Variants in NUMB observed in about 807,000 individuals in gnomAD.
NUMB encodes the protein NUMB endocytic adaptor protein, also known as protein numb homolog.
In NUMB, 29 loss-of-function variants were observed where a neutral mutation model predicts 59.7. The observed-to-expected ratio is 0.49, with a 90% CI of 0.36 to 0.66. The LOEUF is 0.66. Among genes scored for constraint, NUMB ranks in the 30% least tolerant of loss-of-function variants. The pLI is 0.00. For synonymous variants in NUMB, 288 were observed against 288.2 expected (o/e 1.00, Z 0.01); for missense variants, 723 against 822.0 (o/e 0.88, Z 1.47).
intron 4 of NUMB, among the ~76,000 whole-genome samples, chr14:73,346,734 A>G (rs762407358): frequency 3.3e-5 from 5 of 152,020 alleles, no homozygotes; most frequent in African/African-American, 7.3e-5. Context: ...CAACTTCTCT[A>G]TATCTGTCTT....
chr14:73,399,394 T>C (rs1377101763), intron 2 of NUMB, among the ~76,000 whole-genome samples: 1 of 152,018 alleles, frequency 6.6e-6, no homozygotes, highest in African/African-American at 2.4e-5. Context: ...AGAAACCCTG[T>C]CTCTACTAAA....
At chr14:73,355,298 A>G (rs1468692661) in intron 4 of NUMB, among the ~76,000 whole-genome samples, 2 of 152,224 alleles carry the variant, frequency 1.3e-5, no homozygotes, top group Non-Finnish European at 2.9e-5. Flanking sequence ...CCAGTTAGTA[A>G]GCATATTCCA....
chr14:73,357,041 A>G (rs1180112030), intron 3 of NUMB: 2 of 962,812 alleles, frequency 2.1e-6, no homozygotes, highest in Middle Eastern at 5.3e-4. Context: ...ATGCCTTTCC[A>G]TATCGATAAT....
intron 1 of NUMB, among the ~76,000 whole-genome samples, chr14:73,447,661 T>C (rs1339568939): frequency 7.6e-6 from 1 of 131,056 alleles, no homozygotes; most frequent in African/African-American, 2.8e-5. Flanking sequence ...CAACATAGAA[T>C]GACCTCATCT....
At chr14:73,429,882 T>C (rs1444409215) in intron 1 of NUMB, among the ~76,000 whole-genome samples, 2 of 151,204 alleles carry the variant, frequency 1.3e-5, no homozygotes, top group African/African-American at 2.4e-5. Flanking sequence ...GAGGCAGAGG[T>C]TGTAATGAGC....
At chr14:73,405,181 G>A (rs1455959613) in intron 2 of NUMB, among the ~76,000 whole-genome samples, 2 of 152,194 alleles carry the variant, frequency 1.3e-5, no homozygotes, top group Non-Finnish European at 2.9e-5. Context: ...TGAAGATGCT[G>A]TAAAGTAAAT....
At chr14:73,455,826 A>G (rs1366378862) in intron 1 of NUMB, among the ~76,000 whole-genome samples, 3 of 152,186 alleles carry the variant, frequency 2.0e-5, no homozygotes, top group African/African-American at 7.2e-5. Flanking sequence ...TTTACTGTCA[A>G]TATGTCTGTG....
chr14:73,286,552 A>T (rs1333117866), intron 9 of NUMB: 2 of 154,434 alleles, frequency 1.3e-5, no homozygotes, highest in East Asian at 3.8e-4. Context: ...TAAAACTCAC[A>T]CTCTATAAAA....
Position 73,389,285 on chromosome 14 carries a change from A to C in NUMB, c.-101+20652T>G, listed in dbSNP as rs1228383766. 4.9e-3 allele frequency among the ~76,000 whole-genome samples: 465 copies of C among 94,874 alleles called. 11 individuals are homozygous for C. Among genetic ancestry groups the C allele is most frequent in the South Asian group, 0.04 (111 of 2,748 alleles). 62.2% of individuals were successfully genotyped at this position (94,874 alleles called of 152,430 possible). ...GACTCCATCTCTCAAAAAAAAAAAA[A>C]AAAAAAAACAAAAACAAAAACACTG... On this transcript the variant is annotated intron_variant, in intron 2 of 12. Coordinates refer to ENST00000555238, the MANE Select transcript of NUMB (RefSeq NM_001005743.2).
In NUMB at chr14:73,277,177, C is replaced by T. The variant is rs144913219; in HGVS notation, c.1357G>A (p.Ala453Thr). 3.7e-6 allele frequency: 6 copies of T among 1,613,806 alleles called. No homozygotes were observed. The African/African-American group carries it at 5.3e-5, about 14-fold the overall frequency. Reference protein sequence around the residue: ...WLEEVSKSVRAQQPQASAAPL... With the variant: ...WLEEVSKSVRTQQPQASAAPL... The stretch of plus-strand genomic sequence containing the variant: ...GCAGCTGAGGCCTGGGGCTGCTGAG[C>T]CCGGACGCTCTTAGACACCTCTTCT... Residue 453 changes from alanine to threonine, a missense_variant, in exon 13 of 13, where the codon GCT (alanine) becomes ACT (threonine). Around this residue, in one of 2 missense-constraint regions of NUMB, gnomAD observed 406 missense variants for 385.4 expected, o/e 1.05. Transcript: ENST00000555238.
intron 2 of NUMB, among the ~76,000 whole-genome samples, chr14:73,368,176 G>A (rs1029176707): frequency 3.3e-5 from 5 of 152,096 alleles, no homozygotes; most frequent in Admixed American, 1.3e-4. Context: ...TTTCAAAAAC[G>A]GAAAGTGGTC....
Position 73,292,819 on chromosome 14 carries a change from T to A in NUMB, c.365A>T (p.Asn122Ile). The A allele has an allele frequency of 6.2e-7, 1 of 1,614,216 alleles. No homozygotes were observed. Among genetic ancestry groups the A allele is most frequent in the Non-Finnish European group, 8.5e-7 (1 of 1,180,028 alleles). ...TATGTAAGAAAAGGCTCTATCAAAGTTCCTGTCTGGGGCACAGAAAGAAAC... is the reference window on the plus strand; with the variant it reads ...TATGTAAGAAAAGGCTCTATCAAAGATCCTGTCTGGGGCACAGAAAGAAAC... ...EKVSFCAPDR[N>I]FDRAFSYICR... Residue 122 changes from asparagine (N) to isoleucine (I), a missense_variant, in exon 8 of 13, where the codon AAC (asparagine) becomes ATC (isoleucine). Physicochemically the swap from Asn to Ile is moderately radical, Grantham distance 149. Around this residue, in one of 2 missense-constraint regions of NUMB, gnomAD observed 317 missense variants for 436.6 expected, o/e 0.73. Transcript: ENST00000555238.
intron 3 of NUMB, among the ~76,000 whole-genome samples, chr14:73,357,970 G>A (rs1427280081): frequency 6.7e-6 from 1 of 149,564 alleles, no homozygotes; most frequent in East Asian, 2.0e-4. Flanking sequence ...CTTCGTCTTA[G>A]CAAAGACAAC....
In NUMB at chr14:73,387,431, A is replaced by G. The variant is rs567602650; in HGVS notation, c.-100-20450T>C. ...AGAAAAGGATAAGAAAGGATATTGA[A>G]GTGCTACAAGGGAGTCCTTTTGTAA... On this transcript the variant is annotated intron_variant, in intron 2 of 12. Transcript: ENST00000555238. Among the ~76,000 whole-genome samples the G allele has an allele frequency of 1.3e-4, 20 of 152,336 alleles. No homozygotes were observed. In the South Asian group the frequency reaches 3.9e-3, roughly 30 times the overall value.
At chr14:73,412,859 G>T (rs901884633) in intron 1 of NUMB, among the ~76,000 whole-genome samples, 1 of 151,730 alleles carries the variant, frequency 6.6e-6, no homozygotes, top group Non-Finnish European at 1.5e-5. Flanking sequence ...CAAACTCCAG[G>T]CCTCAAGTGT....
At chr14:73,424,851 A>T (rs547414562) in intron 1 of NUMB, among the ~76,000 whole-genome samples, 1 of 152,252 alleles carries the variant, frequency 6.6e-6, no homozygotes, top group African/African-American at 2.4e-5. Flanking sequence ...ATAATAATGC[A>T]TGCTTCTGGA....
chr14:73,398,331 A>G (rs191946065), intron 2 of NUMB, among the ~76,000 whole-genome samples: 4 of 152,232 alleles, frequency 2.6e-5, no homozygotes, highest in Non-Finnish European at 5.9e-5. Flanking sequence ...AAAATGTAAG[A>G]AAACTGTGTA....
At chr14:73,458,440 G>C (rs969008838) in intron 1 of NUMB, 53 bp downstream of exon 1, 1 of 152,742 alleles carries the variant, frequency 6.5e-6, no homozygotes, top group Non-Finnish European at 1.5e-5. Flanking sequence ...CTGAGCTGGA[G>C]ATTCCGCCCC....
intron 3 of NUMB, among the ~76,000 whole-genome samples, chr14:73,364,334 T>G (rs564869812): frequency 4.6e-5 from 7 of 151,906 alleles, no homozygotes; most frequent in African/African-American, 1.4e-4. Context: ...TGAAACCCCA[T>G]CTCTACTAAA....
Sources: gnomAD v4.1 joint callset for allele counts (sites outside exome capture counted in the v4.1 genomes callset) on GRCh38, gnomAD v4.1.1 for gene constraint, gnomAD v4.1.1 regional missense constraint, MANE v1.5 for transcripts, NCBI Gene and HGNC (gene_info 2026-07-23, HGNC 2026-07-21) for gene names.